The following TAFA1 variants were observed in gnomAD, a reference collection of about 807,000 sequenced individuals.
TAFA1 encodes TAFA chemokine like family member 1, also known as chemokine-like protein TAFA-1.
In TAFA1, 4 loss-of-function variants were observed where a neutral mutation model predicts 18.5. That is an observed-to-expected ratio of 0.22 (90% CI 0.11 to 0.49). The LOEUF (loss-of-function observed/expected upper bound fraction) is 0.49. Ranked by LOEUF, TAFA1 falls within the 20% of genes least tolerant of loss-of-function variation. TAFA1 has a pLI of 0.98. For synonymous variants in TAFA1, 56 were observed against 55.2 expected (o/e 1.01, Z -0.06); for missense variants, 147 against 169.0 (o/e 0.87, Z 0.72).
chr3:68,360,716 A>G (rs2069453362), intron 2 of TAFA1, among the ~76,000 whole-genome samples: 1 of 152,020 alleles, frequency 6.6e-6, no homozygotes, highest in South Asian at 2.1e-4. Context: ...TCCTATGAAG[A>G]TTCAGCAATG....
At chr3:68,015,198 C>G (rs1232499482) in intron 2 of TAFA1, among the ~76,000 whole-genome samples, 1 of 152,032 alleles carries the variant, frequency 6.6e-6, no homozygotes, top group Non-Finnish European at 1.5e-5. Context: ...CTCTGGTAAA[C>G]AGCTTTGATA....
chr3:67,997,280 C>T, the TAFA1 span, among the ~76,000 whole-genome samples: 1 of 152,044 alleles, frequency 6.6e-6, no homozygotes, highest in South Asian at 2.1e-4. Flanking sequence ...TTATGGTATA[C>T]CAGATACACT....
chr3:68,155,284 TAGA>T (rs1188549631), intron 2 of TAFA1, among the ~76,000 whole-genome samples: 1 of 152,166 alleles, frequency 6.6e-6, no homozygotes, highest in Non-Finnish European at 1.5e-5. Flanking sequence ...ACATTCTCAG[TAGA>T]AGGCTTGCCA....
At chr3:68,393,551 C>T (rs560052359) in intron 2 of TAFA1, among the ~76,000 whole-genome samples, 125 of 152,126 alleles carry the variant, frequency 8.2e-4, no homozygotes, top group African/African-American at 2.9e-3. Context: ...CTGGCAGAGA[C>T]ACAATGAAAA....
rs554844135 is a variant in TAFA1, at chr3:68,142,342, C to G, written c.118+135598C>G. 7.9e-5 allele frequency among the ~76,000 whole-genome samples: 12 copies of G among 152,252 alleles called. 3 individuals carry two copies. In the South Asian group the frequency reaches 2.3e-3, roughly 29 times the overall value. On this transcript the variant is annotated intron_variant, in intron 2 of 4. Transcript: ENST00000478136. ...GGTATAACTAGGATTCAAAACCATGCGTCTTATTTGCATGTGATGGAAAGG... is the reference window on the plus strand; with the variant it reads ...GGTATAACTAGGATTCAAAACCATGGGTCTTATTTGCATGTGATGGAAAGG...
intron 2 of TAFA1, among the ~76,000 whole-genome samples, chr3:68,350,866 GC>G (rs2069253543): frequency 6.6e-6 from 1 of 152,070 alleles, no homozygotes; most frequent in African/African-American, 2.4e-5. Flanking sequence ...AGAAATGAGG[GC>G]ATTGCTAAAA....
At chr3:68,012,757 GTT>G (rs987237353) in intron 2 of TAFA1, among the ~76,000 whole-genome samples, 44 of 152,172 alleles carry the variant, frequency 2.9e-4, no homozygotes, top group African/African-American at 9.6e-4. Flanking sequence ...CACGTTTCCA[GTT>G]TAAGAAAAAA....
At chr3:68,120,234 TTTCTTTCTTTC>T (rs2065380348) in intron 2 of TAFA1, among the ~76,000 whole-genome samples, 5 of 137,628 alleles carry the variant, frequency 3.6e-5, no homozygotes, top group African/African-American at 1.5e-4. Flanking sequence ...TCTTTCTTTC[TTTCTTTCTTTC>T]TTTCTTTCTT....
intron 2 of TAFA1, among the ~76,000 whole-genome samples, chr3:68,048,406 A>C (rs749488710): frequency 1.3e-5 from 2 of 152,120 alleles, no homozygotes; most frequent in Non-Finnish European, 2.9e-5. Flanking sequence ...TCACATCAGG[A>C]TAAATGAGGC....
intron 2 of TAFA1, among the ~76,000 whole-genome samples, chr3:68,011,633 A>G (rs1704473416): frequency 6.6e-6 from 1 of 152,224 alleles, no homozygotes; most frequent in Non-Finnish European, 1.5e-5. Flanking sequence ...TAACTGTAAT[A>G]TAAAAGAAAT....
At chr3:68,274,150 A>T (rs1374449036) in intron 2 of TAFA1, among the ~76,000 whole-genome samples, 6 of 152,186 alleles carry the variant, frequency 3.9e-5, no homozygotes, top group Admixed American at 2.0e-4. Flanking sequence ...GTTTCAAAAC[A>T]GTCTATTCAG....
At chr3:68,342,685 G>A (rs1252181204) in intron 2 of TAFA1, among the ~76,000 whole-genome samples, 1 of 152,120 alleles carries the variant, frequency 6.6e-6, no homozygotes, top group Non-Finnish European at 1.5e-5. Context: ...TCAGTTCTAT[G>A]GAGAATAAAA....
intron 2 of TAFA1, among the ~76,000 whole-genome samples, chr3:68,149,479 C>T (rs1201527973): frequency 6.6e-6 from 1 of 152,162 alleles, no homozygotes; most frequent in Non-Finnish European, 1.5e-5. Flanking sequence ...TGATGAGGGT[C>T]TCAAGGAGCT....
rs145955385 is a variant in TAFA1 at position 68,308,022 on chromosome 3, T to C, written c.119-109258T>C. 3.5e-3 allele frequency among the ~76,000 whole-genome samples: 538 copies of C among 152,278 alleles called. 4 individuals carry two copies. Among genetic ancestry groups the C allele is most frequent in the African/African-American group, 0.012 (516 of 41,554 alleles). ...TTGCCAAGTGTTGAATAAATATGTG[T>C]AATCACTCCCCAAAATGCCAAGCAT... On this transcript the variant is annotated intron_variant, in intron 2 of 4. Transcript: ENST00000478136.
chr3:68,373,793 A>G (rs1191056553), intron 2 of TAFA1, among the ~76,000 whole-genome samples: 2 of 152,198 alleles, frequency 1.3e-5, no homozygotes, highest in African/African-American at 2.4e-5. Flanking sequence ...TCTAACTCCA[A>G]TGTGAAGGAA....
At chr3:68,400,276 A>T (rs1191455177) in intron 2 of TAFA1, among the ~76,000 whole-genome samples, 1 of 152,236 alleles carries the variant, frequency 6.6e-6, no homozygotes, top group Admixed American at 6.5e-5. Context: ...TTTCATCTAC[A>T]TATAGTAATA....
At chr3:68,150,773 A>C (rs762651229) in intron 2 of TAFA1, among the ~76,000 whole-genome samples, 1 of 152,094 alleles carries the variant, frequency 6.6e-6, no homozygotes, top group Non-Finnish European at 1.5e-5. Flanking sequence ...AAATTTTAAA[A>C]TGTTTCTTTT....
At chr3:68,081,664 G>T (rs1299403881) in intron 2 of TAFA1, among the ~76,000 whole-genome samples, 1 of 152,138 alleles carries the variant, frequency 6.6e-6, no homozygotes, top group Non-Finnish European at 1.5e-5. Context: ...GAGGCAGTCT[G>T]CCCCTTCTCA....
At chr3:68,270,363 G>C (rs2067641170) in intron 2 of TAFA1, among the ~76,000 whole-genome samples, 3 of 152,228 alleles carry the variant, frequency 2.0e-5, no homozygotes, top group Middle Eastern at 3.4e-3. Context: ...GTTGCATTTG[G>C]TGTGTTTGTG....
Sources: gnomAD v4.1 joint callset for allele counts (sites outside exome capture counted in the v4.1 genomes callset) on GRCh38, gnomAD v4.1.1 for gene constraint, MANE v1.5 for transcripts, NCBI Gene and HGNC (gene_info 2026-07-23, HGNC 2026-07-21) for gene names.